The following ERMP1 variants were observed in gnomAD, a reference collection of about 807,000 sequenced individuals.
The protein encoded by ERMP1 is Felix-ina.
In ERMP1, 86 loss-of-function variants were observed where a neutral mutation model predicts 92.0. That is an observed-to-expected ratio of 0.93 (90% CI 0.79 to 1.12). The LOEUF is 1.12. Among genes scored for constraint, ERMP1 ranks in the 50% most tolerant of loss-of-function variants. The pLI, the probability that ERMP1 is intolerant of heterozygous loss-of-function variation, is 0.00. For synonymous variants in ERMP1, 530 were observed against 412.8 expected (o/e 1.28, Z -3.44); for missense variants, 1,342 against 1,116.3 (o/e 1.20, Z -2.88).
chr9:5,828,153 T>A (rs546245992), intron 2 of ERMP1, among the ~76,000 whole-genome samples: 1 of 152,312 alleles, frequency 6.6e-6, no homozygotes, highest in Non-Finnish European at 1.5e-5. Context: ...AACATAATAA[T>A]AAAAAGTGGG....
intron 6 of ERMP1, among the ~76,000 whole-genome samples, chr9:5,848,103 G>C (rs1830261504): frequency 6.6e-6 from 1 of 152,130 alleles, no homozygotes; most frequent in African/African-American, 2.4e-5. Context: ...CAGAAAAACA[G>C]CCCCCTCAAG....
intron 13 of ERMP1, among the ~76,000 whole-genome samples, 153 bp downstream of exon 13, chr9:5,797,661 AAAG>A (rs1450496138): frequency 2.6e-5 from 4 of 152,076 alleles, no homozygotes; most frequent in Non-Finnish European, 5.9e-5. Flanking sequence ...AAAAAAAAAA[AAAG>A]AAGTCATAAC....
chr9:5,855,877 G>T, intron 6 of ERMP1: 1 of 195,248 alleles, frequency 5.1e-6, no homozygotes. Flanking sequence ...AAATGGTGGA[G>T]CAAGCCTGGG....
chr9:5,801,421 T>C (rs1828667508), intron 10 of ERMP1, 93 bp from the exon 11 acceptor site: 4 of 1,243,402 alleles, frequency 3.2e-6, no homozygotes, highest in Admixed American at 2.4e-5. Flanking sequence ...CAGTATTACC[T>C]AACAGCCCCT....
At chr9:5,858,820 AGGAT>A (rs1460722349) in intron 6 of ERMP1, among the ~76,000 whole-genome samples, 2 of 152,174 alleles carry the variant, frequency 1.3e-5, no homozygotes, top group African/African-American at 2.4e-5. Flanking sequence ...AGAAGCTGGA[AGGAT>A]GGATGGATGA....
chr9:5,834,703 A>ATGTGTGTGTGTGTGTGTGTGTG (rs766269385), upstream of ERMP1, among the ~76,000 whole-genome samples: 6 of 122,906 alleles, frequency 4.9e-5, no homozygotes, highest in Non-Finnish European at 8.2e-5. Flanking sequence ...GTATGTATAT[A>ATGTGTGTGTGTGTGTGTGTGTG]TGTGTGTGTG....
Position 5,797,908 on chromosome 9 carries a change from T to G in ERMP1, c.2295A>C (p.Pro765=), listed in dbSNP as rs1828502558. 1 of 1,613,194 alleles carries G rather than the reference T, an allele frequency of 6.2e-7. No individual in the cohort carries two copies. The highest frequency in any genetic ancestry group is 1.1e-5 in the South Asian group (1 of 91,030). ...GAGGAGGATTTCTTGGAGAAACTTC[T>G]GGGGCAGGAAGATACCAGTTTTTCC... is the stretch of plus-strand genomic sequence containing the variant. ...LIRKNWYLPA[P]EVSPRNPPHF... The change falls in exon 13 of 15, where the codon CCA becomes CCC. Residue 765 remains proline (P), a synonymous_variant. Transcript: ENST00000339450.
At chr9:5,841,945 C>G (rs1290557134) in intron 6 of ERMP1, among the ~76,000 whole-genome samples, 3 of 152,138 alleles carry the variant, frequency 2.0e-5, no homozygotes, top group African/African-American at 7.2e-5. Context: ...TGTTACAGCT[C>G]TTAAAGGTGG....
At chr9:5,822,620 C>T (rs1171738240) in intron 4 of ERMP1, among the ~76,000 whole-genome samples, 1 of 152,156 alleles carries the variant, frequency 6.6e-6, no homozygotes, top group Non-Finnish European at 1.5e-5. Flanking sequence ...CTTCACCTAG[C>T]CCATCTCAGC....
At chr9:5,866,876 T>C (rs1312368352) in intron 5 of ERMP1, among the ~76,000 whole-genome samples, 1 of 152,142 alleles carries the variant, frequency 6.6e-6, no homozygotes, top group African/African-American at 2.4e-5. Context: ...CTGAGCCTCA[T>C]TGGCCTCATC....
intron 8 of ERMP1, among the ~76,000 whole-genome samples, chr9:5,807,922 G>A (rs1374610605): frequency 4.0e-5 from 6 of 151,860 alleles, no homozygotes; most frequent in Admixed American, 6.6e-5. Context: ...CTTCCCAAAC[G>A]AAACTGAGAG....
At chr9:5,832,127 C>T (rs924278625) in intron 1 of ERMP1, among the ~76,000 whole-genome samples, 44 of 151,444 alleles carry the variant, frequency 2.9e-4, no homozygotes, top group Non-Finnish European at 5.4e-4. Context: ...GTCACTAATC[C>T]AAGGGGCCTA....
chr9:5,812,861 C>G (rs1451591385), intron 5 of ERMP1, 28 bp downstream of exon 5: 1 of 1,613,434 alleles, frequency 6.2e-7, no homozygotes, highest in Non-Finnish European at 8.5e-7. Context: ...AAATGCTGCA[C>G]AGTAGGCCGT....
At chr9:5,848,340 C>G (rs1291826001) in intron 6 of ERMP1, among the ~76,000 whole-genome samples, 1 of 152,090 alleles carries the variant, frequency 6.6e-6, no homozygotes, top group Non-Finnish European at 1.5e-5. Context: ...ATGCAGACAG[C>G]CTCCTGCAGC....
chr9:5,825,019 G>C, intron 3 of ERMP1, 73 bp downstream of exon 3: 1 of 1,438,742 alleles, frequency 7.0e-7, no homozygotes, highest in South Asian at 1.2e-5. Flanking sequence ...TTACTATTTA[G>C]TAAATAATAT....
At chr9:5,791,184 A>T in intron 13 of ERMP1, 1 of 456,524 alleles carries the variant, frequency 2.2e-6, no homozygotes, top group South Asian at 1.5e-5. Flanking sequence ...AGAGAAAGAG[A>T]GAGAGAGACA....
In ERMP1 at chr9:5,785,028, A is replaced by G. The variant is rs561904143; in HGVS notation, c.*2116T>C. On this transcript the variant is annotated 3_prime_UTR_variant, in exon 15 of 15. Coordinates refer to ENST00000339450, the MANE Select transcript of ERMP1 (RefSeq NM_024896.3). Reference sequence around the variant, plus strand: ...AACGGTATGCTTAACAGAGTCATAAATACTGTGTATAATTGCTTGACCATT... The same window carrying G: ...AACGGTATGCTTAACAGAGTCATAAGTACTGTGTATAATTGCTTGACCATT... The G allele has an allele frequency of 4.3e-4, 65 of 152,342 alleles. No homozygotes were observed. The highest frequency in any genetic ancestry group is 1.5e-3 in the African/African-American group (63 of 41,576). The allele number at this position is 152,342 out of a possible 1,614,324, so 9.4% of individuals were successfully genotyped here. A position where few individuals can be genotyped will look rare whatever the true frequency, so the allele number is the denominator to read the frequency against.
chr9:5,823,233 C>T (rs1256896605), intron 4 of ERMP1, among the ~76,000 whole-genome samples: 2 of 152,094 alleles, frequency 1.3e-5, no homozygotes, highest in African/African-American at 2.4e-5. Flanking sequence ...TGCATGATGG[C>T]ACCAGTGCAC....
intron 11 of ERMP1, 94 bp from the exon 12 acceptor site, chr9:5,799,102 A>C: frequency 2.5e-6 from 2 of 802,556 alleles, no homozygotes; most frequent in Non-Finnish European, 4.1e-6. Flanking sequence ...ATACCAAGAA[A>C]TGATGTGGAT....
Sources: gnomAD v4.1 joint callset for allele counts (sites outside exome capture counted in the v4.1 genomes callset) on GRCh38, gnomAD v4.1.1 for gene constraint, MANE v1.5 for transcripts, NCBI Gene and HGNC (gene_info 2026-07-23, HGNC 2026-07-21) for gene names.